RGS22: variants seen among roughly 807,000 people sequenced by gnomAD.
RGS22 encodes regulator of G-protein signaling 22.
In RGS22, 148 loss-of-function variants were observed where a neutral mutation model predicts 172.9. That is an observed-to-expected ratio of 0.86 (90% CI 0.75 to 0.98). RGS22 has a LOEUF of 0.98. Among genes scored for constraint, RGS22 ranks in the 50% least tolerant of loss-of-function variants. The pLI is 0.00. For missense variants in RGS22, 1,347 were observed against 1,440.8 expected (o/e 0.93, Z 1.05); for synonymous variants, 458 against 480.2 (o/e 0.95, Z 0.60).
At chr8:99,968,850 C>T (rs1049031189) in intron 23 of RGS22, among the ~76,000 whole-genome samples, 1 of 152,124 alleles carries the variant, frequency 6.6e-6, no homozygotes, top group Non-Finnish European at 1.5e-5. Flanking sequence ...GCAAGATAGG[C>T]CAACATTCAA....
At chr8:100,039,846 A>G in intron 13 of RGS22, 116 bp downstream of exon 13, 3 of 550,788 alleles carry the variant, frequency 5.4e-6, no homozygotes, top group South Asian at 1.0e-4. Flanking sequence ...GAATTTTCTT[A>G]TCACAGATGG....
chr8:99,977,835 C>A (rs1812140404), intron 23 of RGS22, 82 bp downstream of exon 23: 2 of 1,204,992 alleles, frequency 1.7e-6, no homozygotes, highest in Admixed American at 2.8e-5. Context: ...TCTATATATC[C>A]CCAGACAAAA....
At chr8:100,070,707 ATTAG>A (rs1366028765) in intron 6 of RGS22, among the ~76,000 whole-genome samples, 1 of 152,224 alleles carries the variant, frequency 6.6e-6, no homozygotes, top group Non-Finnish European at 1.5e-5. Context: ...AGCAGAGCAA[ATTAG>A]TTAGCATAAA....
At chr8:100,068,934 CAA>C (rs11313965) in intron 6 of RGS22, among the ~76,000 whole-genome samples, 203 of 120,594 alleles carry the variant, frequency 1.7e-3, no homozygotes, top group Middle Eastern at 8.5e-3. Flanking sequence ...GACCCTGTCT[CAA>C]AAAAAAAAAA....
intron 20 of RGS22, among the ~76,000 whole-genome samples, chr8:99,989,630 G>C (rs753642950): frequency 7.2e-5 from 11 of 152,110 alleles, no homozygotes; most frequent in Non-Finnish European, 1.5e-4. Context: ...GATTGCCTGA[G>C]CTCAGGAGTT....
At chr8:100,062,525 A>G (rs934158964) in intron 9 of RGS22, 66 bp downstream of exon 9, 2 of 1,105,190 alleles carry the variant, frequency 1.8e-6, no homozygotes, top group African/African-American at 3.2e-5. Flanking sequence ...CCGTAAGACA[A>G]AAAAAGTATA....
chr8:99,963,025 G>A, intron 24 of RGS22, 47 bp from the exon 25 acceptor site: 1 of 1,426,414 alleles, frequency 7.0e-7, no homozygotes, highest in Non-Finnish European at 9.4e-7. Context: ...TTTGCTTTAG[G>A]AAATAAACTG....
intron 4 of RGS22, 79 bp downstream of exon 4, chr8:100,080,055 A>C: frequency 6.1e-6 from 6 of 985,308 alleles, no homozygotes; most frequent in Non-Finnish European, 9.3e-6. Context: ...CACTTCAAAA[A>C]GGGAAGCCTA....
intron 10 of RGS22, among the ~76,000 whole-genome samples, chr8:100,052,358 G>A (rs1821752604): frequency 6.7e-6 from 1 of 148,592 alleles, no homozygotes; most frequent in South Asian, 2.1e-4. Flanking sequence ...CTGGAGTGCA[G>A]TGGCGCTATC....
At chr8:100,023,997 T>A (rs1195072742) in intron 14 of RGS22, 1 of 152,752 alleles carries the variant, frequency 6.5e-6, no homozygotes, top group Admixed American at 6.5e-5. Context: ...GAAAGAGTCT[T>A]GCTTTGTCGC....
In RGS22 at chr8:99,999,304, C is replaced by A. The variant is rs769062167; in HGVS notation, c.2907G>T (p.Leu969Phe). Residue 969 changes from leucine (L) to phenylalanine (F), a missense_variant, in exon 19 of 28, where the codon TTG (leucine) becomes TTT (phenylalanine). By Grantham distance (22) the Leu-to-Phe change is conservative. Transcript: ENST00000360863. ...CTGCAAACTGTTCACTTGCAAGAAA[C>A]AATGGCAGCCATACATTTTCTAGCC... ...QNRLENVWLP[L>F]FLASEQFAAR... The A allele has an allele frequency of 6.2e-6, 10 of 1,613,894 alleles. No individual in the cohort carries two copies. The highest frequency in any genetic ancestry group is 6.8e-6 in the Non-Finnish European group (8 of 1,179,920).
At chr8:100,033,177 C>A (rs1260385451) in intron 14 of RGS22, among the ~76,000 whole-genome samples, 1 of 152,048 alleles carries the variant, frequency 6.6e-6, no homozygotes, top group African/African-American at 2.4e-5. Context: ...CAGAGCAGAA[C>A]TGAAGGAGAC....
chr8:100,099,550 G>T (rs1018854518), intron 2 of RGS22, among the ~76,000 whole-genome samples: 1 of 152,028 alleles, frequency 6.6e-6, no homozygotes, highest in Non-Finnish European at 1.5e-5. Flanking sequence ...GCTACTTTGG[G>T]GACTAATGAC....
intron 14 of RGS22, among the ~76,000 whole-genome samples, chr8:100,018,586 A>G (rs1167866904): frequency 1.3e-5 from 2 of 152,218 alleles, no homozygotes; most frequent in Admixed American, 1.3e-4. Flanking sequence ...GTGAACAAAT[A>G]TTCCTGTTTG....
chr8:100,062,408 A>G (rs549920357), intron 9 of RGS22, among the ~76,000 whole-genome samples, 183 bp downstream of exon 9: 13 of 152,268 alleles, frequency 8.5e-5, no homozygotes, highest in Non-Finnish European at 1.5e-4. Context: ...CCACCTTATT[A>G]TGGATTTAAA....
intron 14 of RGS22, among the ~76,000 whole-genome samples, chr8:100,011,436 T>C (rs1816374138): frequency 6.6e-6 from 1 of 152,206 alleles, no homozygotes; most frequent in South Asian, 2.1e-4. Context: ...TTACAGTCTA[T>C]TCTTACCACA....
chr8:99,988,208 TAAC>T (rs1588913010), intron 20 of RGS22, among the ~76,000 whole-genome samples: 1 of 151,626 alleles, frequency 6.6e-6, no homozygotes, highest in South Asian at 2.1e-4. Flanking sequence ...AAAATAATGA[TAAC>T]AAATAATGAT....
At chr8:100,028,151 T>C (rs2131512650) in intron 14 of RGS22, among the ~76,000 whole-genome samples, 1 of 152,244 alleles carries the variant, frequency 6.6e-6, no homozygotes, top group Non-Finnish European at 1.5e-5. Context: ...TAACCCACAC[T>C]TCTTGGTTTA....
At chr8:100,035,972 G>T (rs1045042194) in intron 14 of RGS22, among the ~76,000 whole-genome samples, 5 of 152,108 alleles carry the variant, frequency 3.3e-5, no homozygotes, top group African/African-American at 1.2e-4. Flanking sequence ...GTGGGGGGCT[G>T]GGGGTGGATA....
Sources: gnomAD v4.1 joint callset for allele counts (sites outside exome capture counted in the v4.1 genomes callset) on GRCh38, gnomAD v4.1.1 for gene constraint, MANE v1.5 for transcripts, NCBI Gene and HGNC (gene_info 2026-07-23, HGNC 2026-07-21) for gene names.